Variants in NRG1 observed in about 807,000 individuals in gnomAD.
NRG1 encodes the protein pro-neuregulin-1, membrane-bound isoform.
In NRG1, 18 loss-of-function variants were observed where a neutral mutation model predicts 63.8. That is an observed-to-expected ratio of 0.28 (90% CI 0.19 to 0.42). NRG1 has a LOEUF of 0.42. Among genes scored for constraint, NRG1 ranks in the 10% least tolerant of loss-of-function variants. The probability of loss-of-function intolerance (pLI) is 1.00; values close to 1 mark genes in which losing one functional copy is unlikely to be tolerated. For missense variants in NRG1, 762 were observed against 814.7 expected (o/e 0.94, Z 0.79); for synonymous variants, 302 against 301.3 (o/e 1.00, Z -0.02).
chr8:32,591,932 G>A (rs1228456594), intron 1 of NRG1, among the ~76,000 whole-genome samples: 3 of 151,780 alleles, frequency 2.0e-5, no homozygotes, highest in Admixed American at 2.0e-4. Context: ...TGTACCCCCT[G>A]CACCTAATAT....
intron 1 of NRG1, among the ~76,000 whole-genome samples, chr8:31,717,410 A>G (rs565311132): frequency 3.0e-3 from 68 of 22,316 alleles, no homozygotes; most frequent in Non-Finnish European, 0.01. Flanking sequence ...CCATCTCGAC[A>G]TTAAAAAAAA....
intron 1 of NRG1, chr8:32,441,312 A>G (rs1195479411): frequency 1.3e-5 from 2 of 152,116 alleles, no homozygotes; most frequent in East Asian, 3.9e-4. Context: ...GGTAGCAACC[A>G]TCCAAGCTGC....
intron 1 of NRG1, among the ~76,000 whole-genome samples, chr8:32,495,148 C>A (rs1346168262): frequency 6.6e-6 from 1 of 152,158 alleles, no homozygotes; most frequent in Non-Finnish European, 1.5e-5. Flanking sequence ...TTGACTAGGT[C>A]CCCACCCAAA....
intron 7 of NRG1, among the ~76,000 whole-genome samples, chr8:32,748,358 C>CACAG (rs748763782): frequency 0.013 from 1,589 of 122,008 alleles, 12 homozygotes; most frequent in African/African-American, 0.016. Flanking sequence ...CACACACACA[C>CACAG]AGAGAGAGAG....
chr8:32,005,989 A>T (rs908985751), intron 1 of NRG1, among the ~76,000 whole-genome samples: 2 of 151,976 alleles, frequency 1.3e-5, no homozygotes, highest in African/African-American at 4.8e-5. Context: ...CTATTTGTCC[A>T]ATTTACTACC....
intron 1 of NRG1, among the ~76,000 whole-genome samples, chr8:32,255,843 A>G (rs1301998035): frequency 6.6e-6 from 1 of 152,134 alleles, no homozygotes; most frequent in East Asian, 1.9e-4. Context: ...TTTCAGGTAC[A>G]CTAATCAAAT....
chr8:32,716,308 G>A (rs1334807845), intron 5 of NRG1, among the ~76,000 whole-genome samples: 2 of 152,158 alleles, frequency 1.3e-5, no homozygotes, highest in South Asian at 4.1e-4. Context: ...TCTTCTACAG[G>A]AACTGCATGG....
intron 1 of NRG1, among the ~76,000 whole-genome samples, chr8:32,586,497 G>T (rs1274687686): frequency 6.6e-6 from 1 of 152,234 alleles, no homozygotes; most frequent in Middle Eastern, 3.4e-3. Flanking sequence ...GTGGAGAGGT[G>T]ATTTGGTTTA....
chr8:32,041,097 A>G (rs567971834), intron 1 of NRG1, among the ~76,000 whole-genome samples: 95 of 152,152 alleles, frequency 6.2e-4, no homozygotes, highest in African/African-American at 2.2e-3. Flanking sequence ...CTTATGGATA[A>G]CTTCATTATG....
intron 1 of NRG1, among the ~76,000 whole-genome samples, chr8:32,429,461 T>C (rs992059638): frequency 1.6e-4 from 25 of 152,184 alleles, no homozygotes; most frequent in Admixed American, 9.8e-4. Context: ...TGATTATTAA[T>C]GCCAGTAAAA....
At chr8:31,860,763 C>T (rs1026692212) in intron 1 of NRG1, among the ~76,000 whole-genome samples, 6 of 152,178 alleles carry the variant, frequency 3.9e-5, no homozygotes, top group African/African-American at 1.4e-4. Context: ...TATATTTTTC[C>T]CTCCTCCATT....
chr8:32,230,424 GC>G (rs1267378460), intron 1 of NRG1, among the ~76,000 whole-genome samples: 1 of 152,148 alleles, frequency 6.6e-6, no homozygotes, highest in Non-Finnish European at 1.5e-5. Context: ...CACTTCTCAG[GC>G]TACTGCTCCT....
At position 32,021,454 on chromosome 8, in the gene NRG1, G is replaced by C. The variant is rs1563688382; in HGVS notation, c.37+382023G>C. ...ACTAATTTAGTTTAGTCTTGCGAGAGTGAGAACTTACTACCAGAAGAACAA... is the reference window on the plus strand; with the variant it reads ...ACTAATTTAGTTTAGTCTTGCGAGACTGAGAACTTACTACCAGAAGAACAA... On this transcript the variant is annotated intron_variant, in intron 1 of 10. Coordinates refer to the NRG1 transcript ENST00000519301. 3.3e-5 allele frequency among the ~76,000 whole-genome samples: 5 copies of C among 152,278 alleles called. No homozygotes were observed. In the South Asian group the frequency reaches 1.0e-3, roughly 32 times the overall value.
chr8:32,162,955 G>A (rs769138167), intron 1 of NRG1, among the ~76,000 whole-genome samples: 1 of 152,166 alleles, frequency 6.6e-6, no homozygotes, highest in Non-Finnish European at 1.5e-5. Flanking sequence ...TTCCTCTATG[G>A]TGTCTCCTGA....
rs565479306 is a variant in NRG1, at chr8:32,680,495, G to A, written c.503-47454G>A. On this transcript the variant is annotated intron_variant, in intron 5 of 11. Transcript: ENST00000356819. Reference sequence around the variant, plus strand: ...TATTGAGGCATGATCCAGTTTGCCCGTGTGAGAACCTGATTTCTGTGAACA... The same window carrying A: ...TATTGAGGCATGATCCAGTTTGCCCATGTGAGAACCTGATTTCTGTGAACA... 6.6e-4 allele frequency among the ~76,000 whole-genome samples: 101 copies of A among 152,290 alleles called. 1 individual carries two copies. In the South Asian group the frequency reaches 9.5e-3, roughly 14 times the overall value.
chr8:31,810,094 C>T (rs1446936552), intron 1 of NRG1, among the ~76,000 whole-genome samples: 1 of 152,042 alleles, frequency 6.6e-6, no homozygotes, highest in Non-Finnish European at 1.5e-5. Flanking sequence ...CTTTCTTGTC[C>T]TACATTCTAC....
At chr8:31,770,218 G>A (rs1242599921) in intron 1 of NRG1, among the ~76,000 whole-genome samples, 1 of 152,040 alleles carries the variant, frequency 6.6e-6, no homozygotes, top group Non-Finnish European at 1.5e-5. Flanking sequence ...GAGTTAGAAA[G>A]GTACACACAC....
At chr8:31,871,751 C>G (rs2129611645) in intron 1 of NRG1, among the ~76,000 whole-genome samples, 1 of 152,222 alleles carries the variant, frequency 6.6e-6, no homozygotes, top group Non-Finnish European at 1.5e-5. Flanking sequence ...CTAATTCCTC[C>G]TTTTAAAAAA....
At chr8:31,746,087 T>C (rs1237241839) in intron 1 of NRG1, among the ~76,000 whole-genome samples, 3 of 151,870 alleles carry the variant, frequency 2.0e-5, no homozygotes, top group Non-Finnish European at 4.4e-5. Flanking sequence ...TTTTTTTTTT[T>C]CTGAACTAAC....
Sources: gnomAD v4.1 joint callset for allele counts (sites outside exome capture counted in the v4.1 genomes callset) on GRCh38, gnomAD v4.1.1 for gene constraint, MANE v1.5 for transcripts, NCBI Gene and HGNC (gene_info 2026-07-23, HGNC 2026-07-21) for gene names.